The following MYO1G variants were observed in gnomAD, a reference collection of about 807,000 sequenced individuals.
MYO1G encodes myosin IG, also known as unconventional myosin-Ig.
In MYO1G, 65 loss-of-function variants were observed where a neutral mutation model predicts 115.3. The ratio of observed to expected loss-of-function variants is 0.56; its 90% confidence interval spans 0.46 to 0.69. The LOEUF is 0.69. Ranked by LOEUF, MYO1G falls within the 30% of genes least tolerant of loss-of-function variation. The pLI, the probability that MYO1G is intolerant of heterozygous loss-of-function variation, is 0.00. For missense variants in MYO1G, 1,204 were observed against 1,393.5 expected (o/e 0.86, Z 2.16); for synonymous variants, 510 against 552.6 (o/e 0.92, Z 1.08).
At chr7:44,967,008 G>A (rs1290781757) in intron 14 of MYO1G, among the ~76,000 whole-genome samples, 170 bp from the exon 15 acceptor site, 1 of 152,212 alleles carries the variant, frequency 6.6e-6, no homozygotes, top group Non-Finnish European at 1.5e-5. Context: ...GCTGGGCAGA[G>A]GCCAGCAAGG....
Position 44,978,825 on chromosome 7 carries a change from AC to A in MYO1G, c.95+41del, listed in dbSNP as rs1243359455. ...TCTCTGCGAGGACGCAAGGTGGGAGACCCTGGAGGAGGGGAGCCACTGCCTC... is the reference window on the plus strand; with the variant it reads ...TCTCTGCGAGGACGCAAGGTGGGAGACCTGGAGGAGGGGAGCCACTGCCTC... On this transcript the variant is annotated intron_variant, in intron 1 of 21. Coordinates refer to ENST00000258787, the MANE Select transcript of MYO1G (RefSeq NM_033054.3). 12 of 1,566,858 alleles carry A rather than the reference AC, an allele frequency of 7.7e-6. 1 individual carries two copies. Among genetic ancestry groups the A allele is most frequent in the Non-Finnish European group, 1.1e-5 (12 of 1,137,684 alleles).
chr7:44,976,771 G>T, intron 2 of MYO1G, 92 bp downstream of exon 2: 1 of 1,573,162 alleles, frequency 6.4e-7, no homozygotes, highest in South Asian at 1.1e-5. Context: ...GCCCCCATCA[G>T]GACACAGGGC....
At chr7:44,971,089 G>T in intron 7 of MYO1G, 30 bp from the exon 8 acceptor site, 1 of 1,579,764 alleles carries the variant, frequency 6.3e-7, no homozygotes. Context: ...GAACAGTCCG[G>T]GCTCCATGTC....
chr7:44,973,530 C>T (rs1368717778), intron 5 of MYO1G: 1 of 152,100 alleles, frequency 6.6e-6, no homozygotes, highest in Non-Finnish European at 1.5e-5. Flanking sequence ...TGTCCATGCT[C>T]CAAAGAGCTC....
At chr7:44,976,176 C>G (rs1322042137) in intron 3 of MYO1G, among the ~76,000 whole-genome samples, 4 of 152,254 alleles carry the variant, frequency 2.6e-5, no homozygotes, top group Non-Finnish European at 5.9e-5. Flanking sequence ...ACACAGCCAC[C>G]TGGCATGCTT....
chr7:44,970,328 C>A (rs969971084), intron 9 of MYO1G, among the ~76,000 whole-genome samples, 174 bp from the exon 10 acceptor site: 1 of 152,202 alleles, frequency 6.6e-6, no homozygotes, highest in Non-Finnish European at 1.5e-5. Context: ...TTACCCCACC[C>A]ACACCTCCTG....
At chr7:44,973,650 C>T (rs1334159551) in intron 5 of MYO1G, 2 of 151,474 alleles carry the variant, frequency 1.3e-5, no homozygotes, top group African/African-American at 4.9e-5. Flanking sequence ...CTGTGGAGCT[C>T]CCACCTCATG....
chr7:44,970,039 C>T lies in MYO1G; in HGVS notation c.1332+1G>A, dbSNP rs375465962. 6 of 1,613,336 alleles carry T rather than the reference C, an allele frequency of 3.7e-6. No homozygotes were observed. The highest frequency in any genetic ancestry group is 1.3e-5 in the African/African-American group (1 of 74,930). On this transcript the variant is annotated splice_donor_variant, in intron 10 of 21. Coordinates refer to ENST00000258787, the MANE Select transcript of MYO1G (RefSeq NM_033054.3). LOFTEE classifies it high-confidence loss of function. ...GCCTCCCTCCAGGCCACAGTGCTCA[C>T]GCTCTGCCAGGTGATGCCCTCGCGC...
At position 44,963,981 on chromosome 7, in the gene MYO1G, A is replaced by G; in HGVS notation, c.2745+68T>C. 8.0e-7 allele frequency: 1 copy of G among 1,250,468 alleles called. No homozygotes were observed. The allele number at this position is 1,250,468 out of a possible 1,614,324, so 77.5% of individuals were successfully genotyped here. A position where few individuals can be genotyped will look rare whatever the true frequency, so the allele number is the denominator to read the frequency against. ...TAAACAGGGGAGAGAAGACTGAGGC[A>G]GGACTCTGAGCAGCCCAGCAGTGCC... On this transcript the variant is annotated intron_variant, in intron 20 of 21. Coordinates refer to ENST00000258787, the MANE Select transcript of MYO1G (RefSeq NM_033054.3). This position sits in a 1 kb window ranked among gnomAD's most constrained non-coding sequence, Gnocchi z 4.1.
At chr7:44,965,178 G>A in intron 17 of MYO1G, 89 bp from the exon 18 acceptor site, 1 of 1,504,206 alleles carries the variant, frequency 6.6e-7, no homozygotes, top group African/African-American at 1.4e-5. Flanking sequence ...TGAGCCCTCA[G>A]CCTGGTGCTG....
At chr7:44,971,313 G>A (rs1794954432) in intron 7 of MYO1G, among the ~76,000 whole-genome samples, 1 of 152,264 alleles carries the variant, frequency 6.6e-6, no homozygotes, top group East Asian at 1.9e-4. Flanking sequence ...TGACCCCATC[G>A]CATCCTCCCA....
In MYO1G at chr7:44,963,085, C is replaced by A; in HGVS notation, c.2785G>T (p.Val929Leu). ...LSVTSGGDQL[V>L]VLHARGQDDL... is the part of the protein sequence containing the mutation. ...TCCTGGCCGCGGGCGTGCAGCACCACCAGCTGGTCTCCTCCGCTGGTCACG... is the reference window on the plus strand; with the variant it reads ...TCCTGGCCGCGGGCGTGCAGCACCAACAGCTGGTCTCCTCCGCTGGTCACG... The change falls in exon 21 of 22, where the codon GTG becomes TTG. Residue 929 changes from valine to leucine, a missense_variant. Coordinates refer to ENST00000258787, the MANE Select transcript of MYO1G (RefSeq NM_033054.3). This position sits in a 1 kb window ranked among gnomAD's most constrained non-coding sequence, Gnocchi z 4.1. 1 of 1,520,274 alleles carries A rather than the reference C, an allele frequency of 6.6e-7. No homozygotes were observed. Among genetic ancestry groups the A allele is most frequent in the Non-Finnish European group, 8.8e-7 (1 of 1,140,140 alleles). 94.2% of individuals were successfully genotyped at this position (1,520,274 alleles called of 1,614,324 possible).
rs888344632 is a variant in MYO1G at position 44,975,327 on chromosome 7, G to C, written c.565-100C>G. The C allele has an allele frequency of 5.9e-6, 9 of 1,517,890 alleles. No homozygotes were observed. In the African/African-American group the frequency reaches 9.6e-5, roughly 16 times the overall value. The allele number at this position is 1,517,890 out of a possible 1,614,324, so 94.0% of individuals were successfully genotyped here. On this transcript the variant is annotated intron_variant, in intron 4 of 21. Transcript: ENST00000258787. The stretch of plus-strand genomic sequence containing the variant: ...GGTGCAAGGCAGGCTGGGGGTCAGA[G>C]AGTCCTGACTATGAGGACACTGAGG...
chr7:44,978,903 A>C lies in MYO1G; in HGVS notation c.59T>G (p.Val20Gly). The C allele has an allele frequency of 6.2e-7, 1 of 1,614,160 alleles. No homozygotes were observed. Among genetic ancestry groups the C allele is most frequent in the Non-Finnish European group, 8.5e-7 (1 of 1,180,010 alleles). Residue 20 changes from valine (V) to glycine (G), a missense_variant, in exon 1 of 22, where the codon GTG (valine) becomes GGG (glycine). Physicochemically the swap from Val to Gly is moderately radical, Grantham distance 109. Coordinates refer to ENST00000258787, the MANE Select transcript of MYO1G (RefSeq NM_033054.3). ...GTTCCTCATGAAGTCCTCCATGGTC[A>C]CTTGGTCCAAAAGCACAAAGTCAGG... The part of the protein sequence containing the change: ...GKPDFVLLDQ[V>G]TMEDFMRNLQ...
Position 44,969,626 on chromosome 7 carries a change from C to G in MYO1G, c.1503+79G>C, listed in dbSNP as rs1399608692. 12 of 1,587,962 alleles carry G rather than the reference C, an allele frequency of 7.6e-6. No homozygotes were observed. Among genetic ancestry groups the G allele is most frequent in the Non-Finnish European group, 1.0e-5 (12 of 1,162,634 alleles). The stretch of plus-strand genomic sequence containing the variant: ...CAAAGCTGGGTCCCCAACCAGGCCC[C>G]ACGAGGCATGGGCAGCATGGTGCCT... On this transcript the variant is annotated intron_variant, in intron 11 of 21. Coordinates refer to ENST00000258787, the MANE Select transcript of MYO1G (RefSeq NM_033054.3). This position sits in a 1 kb window ranked among gnomAD's most constrained non-coding sequence, Gnocchi z 5.0.
chr7:44,976,654 TCC>T lies in MYO1G; in HGVS notation c.306_307del (p.Ser104TrpfsTer9). The T allele has an allele frequency of 6.2e-7, 1 of 1,613,850 alleles. No homozygotes were observed. The highest frequency in any genetic ancestry group is 8.5e-7 in the Non-Finnish European group (1 of 1,179,968). The stretch of plus-strand genomic sequence containing the variant: ...GGCTTCTGTCTTCCCTGCCCCACTC[TCC>T]CCTGCCGGAAAGACCAGAGTTGAGA... On this transcript the variant is annotated frameshift_variant and splice_region_variant, in exon 3 of 22. Coordinates refer to ENST00000258787, the MANE Select transcript of MYO1G (RefSeq NM_033054.3). LOFTEE classifies it high-confidence loss of function.
rs564810858 is a variant in MYO1G, at chr7:44,974,983, C to T, written c.618+191G>A. 5.9e-5 allele frequency: 40 copies of T among 675,878 alleles called. No homozygotes were observed. The East Asian group carries it at 6.6e-4, about 11-fold the overall frequency. The allele number at this position is 675,878 out of a possible 1,614,324, so 41.9% of individuals were successfully genotyped here. A position where few individuals can be genotyped will look rare whatever the true frequency, so the allele number is the denominator to read the frequency against. ...TGCTTTTGTTCCCTGCAAGTCACAC[C>T]CTCTTGTTTGTGGGGTGTGGGGTAC... On this transcript the variant is annotated intron_variant, in intron 5 of 21. Transcript: ENST00000258787.
Position 44,965,975 on chromosome 7 carries a change from C to T in MYO1G, c.2157+98G>A, listed in dbSNP as rs1794834171. On this transcript the variant is annotated intron_variant, in intron 16 of 21. Coordinates refer to ENST00000258787, the MANE Select transcript of MYO1G (RefSeq NM_033054.3). ...CACTCCCTGGCCTGTCTCCATCAAG[C>T]AGAGACTCCTGTGAAACTTACAAGT... is the stretch of plus-strand genomic sequence containing the variant. The T allele has an allele frequency of 1.6e-5, 25 of 1,547,930 alleles. 2 individuals are homozygous for T. In the South Asian group the frequency reaches 2.5e-4, roughly 15 times the overall value.
rs556407509 is a variant in MYO1G at position 44,964,748 on chromosome 7, C to A, written c.2526+197G>T. ...CTGGCCCTCCTGTCATCCACACCCA[C>A]CCCCGAAGGCCACTGCTCCTGAAGC... is the stretch of plus-strand genomic sequence containing the variant. On this transcript the variant is annotated intron_variant, in intron 18 of 21. Coordinates refer to ENST00000258787, the MANE Select transcript of MYO1G (RefSeq NM_033054.3). This position sits in a 1 kb window ranked among gnomAD's most constrained non-coding sequence, Gnocchi z 5.1. Among the ~76,000 whole-genome samples the A allele has an allele frequency of 1.3e-5, 2 of 152,300 alleles. No homozygotes were observed. The highest frequency in any genetic ancestry group is 2.9e-5 in the Non-Finnish European group (2 of 68,024).
Sources: gnomAD v4.1 joint callset for allele counts (sites outside exome capture counted in the v4.1 genomes callset) on GRCh38, gnomAD v4.1.1 for gene constraint, Gnocchi (gnomAD v3.1) non-coding constraint, MANE v1.5 for transcripts, NCBI Gene and HGNC (gene_info 2026-07-23, HGNC 2026-07-21) for gene names.